The following HDAC7 variants were observed in gnomAD, a reference collection of about 807,000 sequenced individuals.
HDAC7 encodes histone deacetylase 7.
In HDAC7, 26 loss-of-function variants were observed where a neutral mutation model predicts 115.5. That is an observed-to-expected ratio of 0.23 (90% CI 0.16 to 0.31). The LOEUF is 0.31. Ranked by LOEUF, HDAC7 falls within the 10% of genes least tolerant of loss-of-function variation. HDAC7 has a pLI of 1.00. For synonymous variants in HDAC7, 564 were observed against 550.9 expected (o/e 1.02, Z -0.33); for missense variants, 1,068 against 1,329.0 (o/e 0.80, Z 3.05).
intron 7 of HDAC7, 71 bp downstream of exon 7, chr12:47,796,946 G>T: frequency 6.8e-7 from 1 of 1,472,766 alleles, no homozygotes; most frequent in Non-Finnish European, 9.0e-7. Context: ...TGTCTAGGTG[G>T]GGCCTGACCC....
At chr12:47,787,891 G>T in intron 20 of HDAC7, 82 bp from the exon 21 acceptor site, 1 of 1,525,398 alleles carries the variant, frequency 6.6e-7, no homozygotes, top group Non-Finnish European at 9.0e-7. Flanking sequence ...TGCCAGCCCA[G>T]CTCATCCAGC....
rs764024793 is a variant in HDAC7, at chr12:47,783,903, G to C, written c.2931-17C>G. ...TCCGAGGGCCTGTGGGGAGGGACAA[G>C]GGTGGGATGCTGGAGCACCAGGGCT... On this transcript the variant is annotated splice_polypyrimidine_tract_variant and intron_variant, in intron 25 of 25. Transcript: ENST00000080059. The C allele has an allele frequency of 1.2e-6, 2 of 1,613,140 alleles. No homozygotes were observed. Among genetic ancestry groups the C allele is most frequent in the South Asian group, 1.1e-5 (1 of 90,816 alleles).
chr12:47,815,016 A>G lies in HDAC7; in HGVS notation c.19+4751T>C, dbSNP rs112095964. 4.9e-3 allele frequency among the ~76,000 whole-genome samples: 748 copies of G among 152,264 alleles called. 5 individuals are homozygous for G. The highest frequency in any genetic ancestry group is 0.017 in the African/African-American group (699 of 41,528). ...GAGAGTGGAAGTTCCCTGAGGTCAG[A>G]TGTTGTGCCTGTGTGTTCACTGCAT... On this transcript the variant is annotated intron_variant, in intron 1 of 25. Coordinates refer to ENST00000080059, the MANE Select transcript of HDAC7 (RefSeq NM_015401.5).
At chr12:47,786,038 T>A in intron 22 of HDAC7, 153 bp from the exon 23 acceptor site, 1 of 781,352 alleles carries the variant, frequency 1.3e-6, no homozygotes, top group Non-Finnish European at 2.0e-6. Context: ...TTGAATGTCG[T>A]ACAAAACCTA....
chr12:47,814,687 G>T (rs1356946983), intron 1 of HDAC7, among the ~76,000 whole-genome samples: 1 of 152,202 alleles, frequency 6.6e-6, no homozygotes, highest in African/African-American at 2.4e-5. Flanking sequence ...CAAGTGAGAG[G>T]CTGGCAATTC....
intron 1 of HDAC7, among the ~76,000 whole-genome samples, chr12:47,814,176 A>C (rs1944781838): frequency 6.6e-6 from 1 of 152,206 alleles, no homozygotes; most frequent in Non-Finnish European, 1.5e-5. Flanking sequence ...TGGAGAGCCC[A>C]GCCAAAGGGC....
At chr12:47,785,591 G>C in intron 23 of HDAC7, 120 bp from the exon 24 acceptor site, 5 of 1,367,208 alleles carry the variant, frequency 3.7e-6, no homozygotes. Flanking sequence ...AGGAGATGCT[G>C]CCTGGACCTA....
chr12:47,811,762 C>G (rs766059065), intron 1 of HDAC7, among the ~76,000 whole-genome samples: 17 of 152,194 alleles, frequency 1.1e-4, no homozygotes, highest in Non-Finnish European at 1.9e-4. Flanking sequence ...TCACCGCCCC[C>G]GGGTCTTCTT....
At chr12:47,789,694 A>G in intron 17 of HDAC7, 116 bp from the exon 18 acceptor site, 1 of 1,410,654 alleles carries the variant, frequency 7.1e-7, no homozygotes, top group Non-Finnish European at 1.0e-6. Flanking sequence ...TTTCCCCTCC[A>G]AAACCCTGTA....
Position 47,795,600 on chromosome 12 carries a change from G to A in HDAC7, c.1074C>T (p.Ala358=). 2 of 1,561,334 alleles carry A rather than the reference G, an allele frequency of 1.3e-6. No homozygotes were observed. The highest frequency in any genetic ancestry group is 2.4e-5 in the South Asian group (2 of 84,726). Residue 358 remains alanine, a synonymous_variant, in exon 10 of 26, where the codon GCC becomes GCT. Transcript: ENST00000080059. The surrounding 1 kb of genome is among the most constrained non-coding windows in gnomAD (Gnocchi z 4.3). ...CAGCAGACTCACCAGTCAGCAGCGG[G>A]GCATGAGAGCCTGAGGGGTCCAGGA... ...ILLLDPSGSH[A]PLLTVPGLGP... is the part of the protein sequence containing the mutation.
At chr12:47,796,366 CCT>C (rs777139118) in intron 7 of HDAC7, 68 bp from the exon 8 acceptor site, 8 of 1,205,092 alleles carry the variant, frequency 6.6e-6, no homozygotes, top group Non-Finnish European at 9.4e-6. Context: ...AGCCAGGCCG[CCT>C]GGTGCAGGAG....
intron 1 of HDAC7, among the ~76,000 whole-genome samples, chr12:47,812,465 C>T (rs1316556124): frequency 6.6e-6 from 1 of 152,192 alleles, no homozygotes; most frequent in Non-Finnish European, 1.5e-5. Flanking sequence ...ACAGAGCTAA[C>T]TTTATTTACA....
chr12:47,784,609 T>TA, intron 24 of HDAC7: 1 of 1,084,946 alleles, frequency 9.2e-7, no homozygotes, highest in Non-Finnish European at 1.3e-6. Flanking sequence ...GCCTCCCACT[T>TA]AAACACAGCC....
rs778016514 is a variant in HDAC7, at chr12:47,789,598, T to C, written c.2092-20A>G. On this transcript the variant is annotated intron_variant, in intron 17 of 25. Transcript: ENST00000080059. ...ACCATTCTGGAAAAAGAAAGAATGCTTGTCAATCAACAGACAGCTCTGACC... is the reference window on the plus strand; with the variant it reads ...ACCATTCTGGAAAAAGAAAGAATGCCTGTCAATCAACAGACAGCTCTGACC... 6 of 1,613,688 alleles carry C rather than the reference T, an allele frequency of 3.7e-6. No homozygotes were observed. The highest frequency in any genetic ancestry group is 4.5e-5 in the East Asian group (2 of 44,906).
intron 16 of HDAC7, chr12:47,791,042 A>AGGCTG: frequency 3.3e-6 from 2 of 610,454 alleles, no homozygotes; most frequent in South Asian, 3.9e-5. Flanking sequence ...GGGAAGGCTT[A>AGGCTG]GGCTGGACTC....
intron 16 of HDAC7, chr12:47,790,282 C>G (rs1441635901): frequency 3.8e-6 from 1 of 262,798 alleles, no homozygotes. Context: ...GCGGGACGGT[C>G]GGAGCTGGAG....
intron 22 of HDAC7, among the ~76,000 whole-genome samples, chr12:47,786,368 C>T (rs1943172740): frequency 1.3e-5 from 2 of 152,224 alleles, no homozygotes. Context: ...GTCAAGCCCT[C>T]CGTGGTGAAC....
At chr12:47,784,637 C>T (rs1488480783) in intron 24 of HDAC7, 10 of 1,331,190 alleles carry the variant, frequency 7.5e-6, no homozygotes, top group East Asian at 2.5e-5. Flanking sequence ...GTGCTCAGCC[C>T]AGCACTCAGG....
Position 47,784,093 on chromosome 12 carries a change from G to T in HDAC7, c.2916C>A (p.Ile972=), listed in dbSNP as rs1272001705. Residue 972 remains isoleucine (I), a synonymous_variant, in exon 25 of 26, where the codon ATC becomes ATA. Coordinates refer to ENST00000080059, the MANE Select transcript of HDAC7 (RefSeq NM_015401.5). ...VTALASLSVG[I]LAEDRPSEQL... ...TCTGGCATTACCTATCTTCAGCCAG[G>T]ATGCCCACAGAGAGGGACGCCAGTG... 1 of 1,613,520 alleles carries T rather than the reference G, an allele frequency of 6.2e-7. No homozygotes were observed. The highest frequency in any genetic ancestry group is 1.3e-5 in the African/African-American group (1 of 74,904).
Sources: allele counts gnomAD v4.1 joint callset (sites outside exome capture counted in the v4.1 genomes callset), GRCh38; gene constraint gnomAD v4.1.1; non-coding constraint Gnocchi (gnomAD v3.1); transcripts MANE v1.5; gene names NCBI Gene and HGNC (gene_info 2026-07-23, HGNC 2026-07-21).